The following ADGRL3 variants were observed in gnomAD, a reference collection of about 807,000 sequenced individuals.
The protein encoded by ADGRL3 is calcium-independent alpha-latrotoxin receptor 3.
ADGRL3 carries 62 observed loss-of-function variants against 153.5 expected under a neutral mutation model. The ratio of observed to expected loss-of-function variants is 0.40; its 90% CI spans 0.33 to 0.50. The LOEUF (loss-of-function observed/expected upper bound fraction) is 0.50, where lower values mean the gene tolerates loss of function less well. ADGRL3 is among the 20% of genes least tolerant of loss of function. The probability of loss-of-function intolerance (pLI) is 0.47; values close to 1 mark genes in which losing one functional copy is unlikely to be tolerated. For missense variants in ADGRL3, 1,641 were observed against 1,859.4 expected (o/e 0.88, Z 2.16); for synonymous variants, 710 against 672.5 (o/e 1.06, Z -0.86).
intron 1 of ADGRL3, among the ~76,000 whole-genome samples, chr4:61,266,169 C>T (rs948224755): frequency 6.6e-6 from 1 of 151,732 alleles, no homozygotes; most frequent in African/African-American, 2.4e-5. Context: ...GGGCTTTCTG[C>T]TTCATGCCTC....
chr4:61,351,662 A>G (rs553182022), intron 1 of ADGRL3, among the ~76,000 whole-genome samples: 2 of 152,264 alleles, frequency 1.3e-5, no homozygotes, highest in South Asian at 4.1e-4. Context: ...TGCCTGTGCT[A>G]TATAAATGGA....
intron 5 of ADGRL3, among the ~76,000 whole-genome samples, chr4:61,611,194 C>T (rs2091298161): frequency 6.6e-6 from 1 of 152,038 alleles, no homozygotes; most frequent in South Asian, 2.1e-4. Flanking sequence ...TCAGGAGTCC[C>T]CTGCATCCAG....
At chr4:61,474,115 A>G (rs2098010552) in intron 2 of ADGRL3, among the ~76,000 whole-genome samples, 1 of 152,244 alleles carries the variant, frequency 6.6e-6, no homozygotes. Flanking sequence ...TTGAGCTTCT[A>G]CTTTTGCAAT....
chr4:61,392,708 A>AAAAAAAAAGT (rs1560565678), intron 2 of ADGRL3, among the ~76,000 whole-genome samples: 1 of 92,738 alleles, frequency 1.1e-5, no homozygotes, highest in Non-Finnish European at 2.4e-5. Flanking sequence ...AAAAAAAAAG[A>AAAAAAAAAGT]AAAAGGAAAA....
chr4:61,395,104 T>C (rs959466458), intron 2 of ADGRL3, among the ~76,000 whole-genome samples: 1 of 152,056 alleles, frequency 6.6e-6, no homozygotes, highest in African/African-American at 2.4e-5. Flanking sequence ...ATTTCATACC[T>C]GATTAAATAT....
intron 23 of ADGRL3, among the ~76,000 whole-genome samples, chr4:62,037,312 A>C (rs910842811): frequency 1.3e-5 from 2 of 151,732 alleles, no homozygotes; most frequent in African/African-American, 2.4e-5. Context: ...CCTCCACCCC[A>C]GTCTCTGTAA....
At chr4:61,480,089 G>A (rs1263742104) in intron 2 of ADGRL3, among the ~76,000 whole-genome samples, 6 of 151,984 alleles carry the variant, frequency 3.9e-5, no homozygotes, top group African/African-American at 1.2e-4. Flanking sequence ...GTTATTAATG[G>A]TAGTACTACC....
Position 61,497,339 on chromosome 4 carries a change from A to C in ADGRL3, c.46A>C (p.Ile16Leu). ...AATTTTCATGATGCTCTTAGCTCCA[A>C]TAATTCATGGTAAGATTTTTCAGAT... is the stretch of plus-strand genomic sequence containing the variant. ...LLIFMMLLAP[I>L]IHGGKHSERH... Residue 16 changes from isoleucine to leucine, a missense_variant, in exon 3 of 27, where the codon ATA (isoleucine) becomes CTA (leucine). Ile to Leu is a conservative substitution (Grantham distance 5). Around this residue, in one of 5 missense-constraint regions of ADGRL3, gnomAD observed 145 missense variants for 79.1 expected, o/e 1.83. Coordinates refer to ENST00000683033, the MANE Select transcript of ADGRL3 (RefSeq NM_001387552.1). 1 of 1,604,632 alleles carries C rather than the reference A, an allele frequency of 6.2e-7. No homozygotes were observed. Among genetic ancestry groups the C allele is most frequent in the Non-Finnish European group, 8.5e-7 (1 of 1,176,334 alleles).
intron 5 of ADGRL3, 95 bp downstream of exon 5, chr4:61,587,535 A>G: frequency 1.0e-6 from 1 of 960,150 alleles, no homozygotes; most frequent in Non-Finnish European, 1.5e-6. Context: ...AAACAGTGTT[A>G]TGTATTTTAG....
chr4:61,656,895 C>G (rs911503596), intron 5 of ADGRL3, among the ~76,000 whole-genome samples: 1 of 152,140 alleles, frequency 6.6e-6, no homozygotes, highest in African/African-American at 2.4e-5. Flanking sequence ...GCTATTTTCT[C>G]TCTCTGTTAA....
At chr4:61,780,791 G>A (rs1039796041) in intron 8 of ADGRL3, among the ~76,000 whole-genome samples, 2 of 152,164 alleles carry the variant, frequency 1.3e-5, no homozygotes, top group Non-Finnish European at 2.9e-5. Context: ...TGCCAGCTGA[G>A]GTCTGAGTGA....
intron 1 of ADGRL3, among the ~76,000 whole-genome samples, chr4:61,362,127 C>T (rs1032730146): frequency 6.6e-6 from 1 of 150,940 alleles, no homozygotes; most frequent in Non-Finnish European, 1.5e-5. Flanking sequence ...CTCAGCCTCC[C>T]GAGTAGCTGG....
At chr4:61,681,934 TATA>T in intron 6 of ADGRL3, among the ~76,000 whole-genome samples, 1 of 152,006 alleles carries the variant, frequency 6.6e-6, no homozygotes, top group South Asian at 2.1e-4. Context: ...CTGCTTCATA[TATA>T]CAGTAGACAT....
chr4:62,006,635 G>T (rs2099160465), intron 21 of ADGRL3, among the ~76,000 whole-genome samples: 3 of 147,030 alleles, frequency 2.0e-5, no homozygotes, highest in Non-Finnish European at 1.5e-5. Flanking sequence ...TTTGGTATTG[G>T]TTTCACTTTA....
At chr4:61,282,366 A>G (rs2093754262) in intron 1 of ADGRL3, among the ~76,000 whole-genome samples, 1 of 152,038 alleles carries the variant, frequency 6.6e-6, no homozygotes, top group African/African-American at 2.4e-5. Flanking sequence ...GGACTCTATA[A>G]TGAGATTTTA....
At chr4:61,431,721 G>T (rs2097358071) in intron 2 of ADGRL3, among the ~76,000 whole-genome samples, 1 of 152,112 alleles carries the variant, frequency 6.6e-6, no homozygotes, top group South Asian at 2.1e-4. Context: ...CCTCAGAAAG[G>T]AATGTATTTT....
At chr4:61,755,049 T>G (rs919891217) in intron 8 of ADGRL3, among the ~76,000 whole-genome samples, 1 of 152,222 alleles carries the variant, frequency 6.6e-6, no homozygotes, top group Non-Finnish European at 1.5e-5. Flanking sequence ...TCCAAGTCTT[T>G]GCTATTGTGA....
Position 61,948,158 on chromosome 4 carries a change from T to C in ADGRL3, c.2687T>C (p.Met896Thr). The C allele has an allele frequency of 6.2e-7, 1 of 1,613,776 alleles. No individual in the cohort carries two copies. The highest frequency in any genetic ancestry group is 8.5e-7 in the Non-Finnish European group (1 of 1,179,820). ...TTTTGGAGCTACTCCAAGCGTACAA[T>C]GACAGGTTATTGGTCAACACAAGGC... ...CSFWSYSKRT[M>T]TGYWSTQGCR... is the part of the protein sequence containing the mutation. The change falls in exon 17 of 27, where the codon ATG (methionine) becomes ACG (threonine). Residue 896 changes from methionine (M) to threonine (T), a missense_variant. Physicochemically the swap from Met to Thr is moderately conservative, Grantham distance 81 (BLOSUM62 -1). Around this residue, in one of 5 missense-constraint regions of ADGRL3, gnomAD observed 734 missense variants for 797.0 expected, o/e 0.92. Transcript: ENST00000683033.
chr4:62,061,000 C>T (rs1739802863), intron 25 of ADGRL3, among the ~76,000 whole-genome samples: 1 of 151,854 alleles, frequency 6.6e-6, no homozygotes, highest in Non-Finnish European at 1.5e-5. Flanking sequence ...CCTGAATGAA[C>T]TGGTGCCTTC....
Sources: allele counts gnomAD v4.1 joint callset (sites outside exome capture counted in the v4.1 genomes callset), GRCh38; gene constraint gnomAD v4.1.1; regional missense constraint gnomAD v4.1.1; transcripts MANE v1.5; gene names NCBI Gene and HGNC (gene_info 2026-07-23, HGNC 2026-07-21).